SYNDIG1L: variants seen among roughly 807,000 people sequenced by gnomAD.
The protein encoded by SYNDIG1L is synapse differentiation-inducing gene protein 1-like.
A neutral mutation model predicts 20.1 loss-of-function variants in SYNDIG1L; 13 were observed. That is an observed-to-expected ratio of 0.65 (90% CI 0.42 to 1.03). The LOEUF (loss-of-function observed/expected upper bound fraction) is 1.03. Ranked by LOEUF, SYNDIG1L falls within the 50% of genes least tolerant of loss-of-function variation. The pLI is 0.00. For synonymous variants in SYNDIG1L, 128 were observed against 129.3 expected, an observed-to-expected ratio of 0.99 and a Z score of 0.07; for missense variants, 294 against 305.1, an observed-to-expected ratio of 0.96 and a Z score of 0.27.
At chr14:74,469,560 T>C in the SYNDIG1L span, among the ~76,000 whole-genome samples, 1 of 152,130 alleles carries the variant, frequency 6.6e-6, no homozygotes, top group Non-Finnish European at 1.5e-5. Context: ...CACATGGCTT[T>C]CTCCTCTAAC....
chr14:74,458,570 C>A, the SYNDIG1L span, among the ~76,000 whole-genome samples: 2 of 143,962 alleles, frequency 1.4e-5, no homozygotes, highest in Non-Finnish European at 1.5e-5. Flanking sequence ...TGCAGTGAGC[C>A]AAGATCGCAC....
At chr14:74,418,810 C>G (rs2086198241) in intron 1 of SYNDIG1L, among the ~76,000 whole-genome samples, 1 of 152,198 alleles carries the variant, frequency 6.6e-6, no homozygotes, top group African/African-American at 2.4e-5. Flanking sequence ...TCCTCATCAT[C>G]CCCAAGATGC....
At chr14:74,471,394 C>T in the SYNDIG1L span, among the ~76,000 whole-genome samples, 2 of 151,962 alleles carry the variant, frequency 1.3e-5, no homozygotes, top group African/African-American at 2.4e-5. Flanking sequence ...CCCAGGAGTT[C>T]GAGACCAGCC....
the SYNDIG1L span, among the ~76,000 whole-genome samples, chr14:74,459,287 G>A: frequency 3.9e-5 from 6 of 152,216 alleles, no homozygotes; most frequent in East Asian, 5.8e-4. Context: ...AGGCTGAGGC[G>A]GGCAGATCGC....
At chr14:74,431,738 G>A in the SYNDIG1L span, among the ~76,000 whole-genome samples, 23 of 152,136 alleles carry the variant, frequency 1.5e-4, no homozygotes, top group African/African-American at 4.3e-4. Flanking sequence ...GAAACAAGAG[G>A]AAATAACTTC....
At chr14:74,408,114 C>G in intron 2 of SYNDIG1L, 125 bp from the exon 3 acceptor site, 12 of 1,204,292 alleles carry the variant, frequency 1.0e-5, no homozygotes, top group Non-Finnish European at 1.4e-5. Context: ...GTCTCTTCTG[C>G]CGCAGGTGGG....
intron 1 of SYNDIG1L, among the ~76,000 whole-genome samples, chr14:74,417,264 G>A (rs1392892672): frequency 6.6e-6 from 1 of 152,206 alleles, no homozygotes; most frequent in Non-Finnish European, 1.5e-5. Context: ...TCCTGGCAAA[G>A]GTGATAAAAC....
upstream of SYNDIG1L, among the ~76,000 whole-genome samples, chr14:74,427,118 CTTT>C (rs34437070): frequency 6.9e-5 from 8 of 116,780 alleles, no homozygotes; most frequent in Non-Finnish European, 8.4e-5. Context: ...CCTGCGTTTC[CTTT>C]TTTTTTTTTT....
At chr14:74,442,836 A>G in the SYNDIG1L span, among the ~76,000 whole-genome samples, 1 of 152,202 alleles carries the variant, frequency 6.6e-6, no homozygotes, top group Non-Finnish European at 1.5e-5. Context: ...AGATAGTAAG[A>G]GAGGAATTTG....
chr14:74,460,010 C>T, the SYNDIG1L span, among the ~76,000 whole-genome samples: 395 of 152,282 alleles, frequency 2.6e-3, 2 homozygotes, highest in Non-Finnish European at 3.2e-3. Flanking sequence ...TTCAAAATTT[C>T]CCCTGGACCT....
the SYNDIG1L span, among the ~76,000 whole-genome samples, chr14:74,477,093 CCT>C: frequency 8.6e-6 from 1 of 116,394 alleles, no homozygotes; most frequent in Non-Finnish European, 1.8e-5. Context: ...CACACACAAC[CCT>C]GTCTCCCCCC....
chr14:74,433,286 G>T, the SYNDIG1L span, among the ~76,000 whole-genome samples: 1 of 152,124 alleles, frequency 6.6e-6, no homozygotes, highest in Non-Finnish European at 1.5e-5. Context: ...GACAGAGTAA[G>T]TTCACTACTG....
chr14:74,411,161 T>C (rs1198772210), intron 1 of SYNDIG1L, among the ~76,000 whole-genome samples: 1 of 152,200 alleles, frequency 6.6e-6, no homozygotes, highest in Non-Finnish European at 1.5e-5. Flanking sequence ...AATCTGAAGA[T>C]TGGGGATTCA....
chr14:74,476,226 G>A, the SYNDIG1L span: 35 of 587,702 alleles, frequency 6.0e-5, no homozygotes, highest in African/African-American at 3.5e-4. Flanking sequence ...TTTCTCCAGC[G>A]CTGAGAACAG....
chr14:74,477,311 C>T, the SYNDIG1L span, among the ~76,000 whole-genome samples: 2 of 152,166 alleles, frequency 1.3e-5, no homozygotes, highest in Admixed American at 6.5e-5. Flanking sequence ...TATACTGTAA[C>T]CCTGTCCTTG....
At chr14:74,446,637 G>T in the SYNDIG1L span, among the ~76,000 whole-genome samples, 297 of 97,128 alleles carry the variant, frequency 3.1e-3, 1 homozygote, top group African/African-American at 8.1e-3. Flanking sequence ...TTTTCTTTTT[G>T]AGATGGAGTC....
At chr14:74,421,310 T>C (rs1045304181) in intron 1 of SYNDIG1L, among the ~76,000 whole-genome samples, 1 of 151,918 alleles carries the variant, frequency 6.6e-6, no homozygotes, top group African/African-American at 2.4e-5. Flanking sequence ...CCTTTCAATG[T>C]AAAAGAAAAA....
intron 1 of SYNDIG1L, among the ~76,000 whole-genome samples, chr14:74,411,474 A>C (rs2086130277): frequency 6.6e-6 from 1 of 152,168 alleles, no homozygotes; most frequent in Non-Finnish European, 1.5e-5. Context: ...GCGATTATCT[A>C]GTCACCTCTC....
the SYNDIG1L span, among the ~76,000 whole-genome samples, chr14:74,436,845 G>A: frequency 5.0e-5 from 5 of 100,780 alleles, no homozygotes; most frequent in Admixed American, 3.6e-4. Context: ...AGCGAAACTC[G>A]TCTCAAAAAA....
Sources: gnomAD v4.1 joint callset for allele counts (sites outside exome capture counted in the v4.1 genomes callset) on GRCh38, gnomAD v4.1.1 for gene constraint, MANE v1.5 for transcripts, NCBI Gene and HGNC (gene_info 2026-07-23, HGNC 2026-07-21) for gene names.